LMF1: variants seen among roughly 807,000 people sequenced by gnomAD.
The protein encoded by LMF1 is transmembrane protein 112.
In LMF1, 68 loss-of-function variants were observed where a neutral mutation model predicts 60.6. The ratio of observed to expected loss-of-function variants is 1.12; its 90% confidence interval spans 0.92 to 1.37. The LOEUF is 1.37. LMF1 is among the 40% of genes most tolerant of loss of function. LMF1 has a pLI of 0.00. For synonymous variants in LMF1, 418 were observed against 324.7 expected (o/e 1.29, Z -3.09); for missense variants, 948 against 767.2 (o/e 1.24, Z -2.78).
chr16:945,045 T>G (rs901724312), intron 2 of LMF1, among the ~76,000 whole-genome samples: 3 of 151,656 alleles, frequency 2.0e-5, no homozygotes, highest in Admixed American at 6.6e-5. Context: ...ACCCCATCTC[T>G]ACTAAAAGTA....
chr16:871,135 C>T, intron 7 of LMF1, 26 bp downstream of exon 7: 1 of 1,540,094 alleles, frequency 6.5e-7, no homozygotes, highest in Non-Finnish European at 8.7e-7. Flanking sequence ...TGCCCTTGGG[C>T]AGGGGCCCCC....
At chr16:888,063 A>G (rs2070363610) in intron 5 of LMF1, among the ~76,000 whole-genome samples, 1 of 152,216 alleles carries the variant, frequency 6.6e-6, no homozygotes, top group South Asian at 2.1e-4. Flanking sequence ...GCCTGTCTGT[A>G]GCCCTGACAG....
exon 1 of LMF1, chr16:981,238 C>G (rs986454664): frequency 8.8e-6 from 4 of 454,524 alleles, no homozygotes; most frequent in South Asian, 6.2e-5. Context: ...AGCAGCTGAC[C>G]CCGCGCCACC....
At chr16:959,017 C>T (rs563239890) in intron 1 of LMF1, among the ~76,000 whole-genome samples, 3 of 152,296 alleles carry the variant, frequency 2.0e-5, no homozygotes, top group South Asian at 4.1e-4. Context: ...GGATGGCAGA[C>T]GGTGGCATCT....
At chr16:969,708 T>A (rs1408573655) in intron 1 of LMF1, among the ~76,000 whole-genome samples, 1 of 152,250 alleles carries the variant, frequency 6.6e-6, no homozygotes, top group Non-Finnish European at 1.5e-5. Context: ...GGACGGTGAC[T>A]GCCCACGCGC....
In LMF1 at chr16:921,813, C is replaced by T. The variant is rs573013343; in HGVS notation, c.515-10734G>A. 7.9e-4 allele frequency among the ~76,000 whole-genome samples: 121 copies of T among 152,248 alleles called. 1 individual carries two copies. In the Middle Eastern group the frequency reaches 0.014, roughly 17 times the overall value. The stretch of plus-strand genomic sequence containing the variant: ...GTGAACAGAACCTACGGCATCCAGG[C>T]GGTCCCCGTGCGGGTTTTACTATAC... On this transcript the variant is annotated intron_variant, in intron 3 of 10. Coordinates refer to ENST00000262301, the MANE Select transcript of LMF1 (RefSeq NM_022773.4).
At chr16:917,147 C>T (rs546582383) in intron 3 of LMF1, among the ~76,000 whole-genome samples, 2 of 152,248 alleles carry the variant, frequency 1.3e-5, no homozygotes, top group Non-Finnish European at 1.5e-5. Context: ...GGGAACCAGG[C>T]CCAAAGCCAC....
chr16:860,056 T>G (rs1217984834), intron 10 of LMF1, among the ~76,000 whole-genome samples: 1 of 145,786 alleles, frequency 6.9e-6, no homozygotes, highest in Non-Finnish European at 1.5e-5. Context: ...TGCACCTTCT[T>G]TGGTGAAACG....
At chr16:861,494 A>C (rs1396077347) in intron 10 of LMF1, among the ~76,000 whole-genome samples, 1 of 150,352 alleles carries the variant, frequency 6.7e-6, no homozygotes, top group Non-Finnish European at 1.5e-5. Flanking sequence ...AGTAGCTGGG[A>C]TTACAGGCAT....
intron 2 of LMF1, 94 bp from the exon 3 acceptor site, chr16:934,348 C>A (rs2071879944): frequency 2.0e-6 from 3 of 1,513,788 alleles, no homozygotes; most frequent in Admixed American, 3.4e-5. Flanking sequence ...ACCCTGGCAC[C>A]CAGCACGGTG....
At chr16:977,853 C>CCACACAT (rs1361311960) in intron 1 of LMF1, among the ~76,000 whole-genome samples, 1 of 149,846 alleles carries the variant, frequency 6.7e-6, no homozygotes, top group Admixed American at 6.6e-5. Context: ...CACATGCACA[C>CCACACAT]CACACATCAC....
intron 5 of LMF1, among the ~76,000 whole-genome samples, chr16:887,477 C>A (rs901593569): frequency 1.3e-5 from 2 of 152,176 alleles, no homozygotes; most frequent in Non-Finnish European, 2.9e-5. Context: ...TGGGGGAGCT[C>A]GGCGGGCACG....
At chr16:907,791 C>G (rs1286701596) in intron 4 of LMF1, among the ~76,000 whole-genome samples, 3 of 152,172 alleles carry the variant, frequency 2.0e-5, no homozygotes, top group African/African-American at 7.2e-5. Context: ...CTGCTTTCCA[C>G]CAAAGGAACA....
At chr16:949,288 G>GAA (rs1395395917) in intron 2 of LMF1, among the ~76,000 whole-genome samples, 2 of 138,698 alleles carry the variant, frequency 1.4e-5, no homozygotes, top group African/African-American at 5.4e-5. Context: ...GACAGAGTCA[G>GAA]CCAATGACAG....
chr16:880,079 C>T lies in LMF1; in HGVS notation c.730-342G>A, dbSNP rs17146005. On this transcript the variant is annotated intron_variant, in intron 5 of 10. Transcript: ENST00000262301. The stretch of plus-strand genomic sequence containing the variant: ...TCGGAGAACAGGCAGTCGGAGAACG[C>T]GCCGCCTGCTGCCCACAGGCGGCCA... 7.3e-3 allele frequency among the ~76,000 whole-genome samples: 1,106 copies of T among 152,310 alleles called. 16 individuals carry two copies. Among genetic ancestry groups the T allele is most frequent in the African/African-American group, 0.024 (988 of 41,554 alleles).
chr16:891,454 G>A (rs9930455), intron 5 of LMF1, among the ~76,000 whole-genome samples: 5,101 of 152,308 alleles, frequency 0.033, 282 homozygotes, highest in African/African-American at 0.12. Flanking sequence ...AAAGCTGTGC[G>A]GGACGGTCCT....
intron 6 of LMF1, among the ~76,000 whole-genome samples, chr16:877,978 G>A (rs531663623): frequency 2.8e-4 from 42 of 152,234 alleles, no homozygotes; most frequent in Admixed American, 7.2e-4. Context: ...ACAAACGCGC[G>A]TGGGGTCTGG....
In LMF1 at chr16:874,580, C is replaced by A. The variant is rs1206400051; in HGVS notation, c.898-3239G>T. On this transcript the variant is annotated intron_variant, in intron 6 of 10. Coordinates refer to ENST00000262301, the MANE Select transcript of LMF1 (RefSeq NM_022773.4). This position sits in a 1 kb window ranked among gnomAD's most constrained non-coding sequence, Gnocchi z 4.1. ...GGCAGGCAGCGGCCCCAGGGCCCCGCGGAACCCTCCGGAACAGCTGTGTAA... is the reference window on the plus strand; with the variant it reads ...GGCAGGCAGCGGCCCCAGGGCCCCGAGGAACCCTCCGGAACAGCTGTGTAA... 1.3e-5 allele frequency among the ~76,000 whole-genome samples: 2 copies of A among 152,126 alleles called. No homozygotes were observed. The highest frequency in any genetic ancestry group is 4.1e-4 in the South Asian group (2 of 4,828).
intron 4 of LMF1, among the ~76,000 whole-genome samples, chr16:909,737 G>T (rs1270637561): frequency 2.0e-5 from 3 of 152,240 alleles, no homozygotes; most frequent in Non-Finnish European, 4.4e-5. Context: ...GGGGGGACAG[G>T]GTGGGAGGAG....
Sources: allele counts gnomAD v4.1 joint callset (sites outside exome capture counted in the v4.1 genomes callset), GRCh38; gene constraint gnomAD v4.1.1; non-coding constraint Gnocchi (gnomAD v3.1); transcripts MANE v1.5; gene names NCBI Gene and HGNC (gene_info 2026-07-23, HGNC 2026-07-21).